Variants in ORC1 observed in about 807,000 individuals in gnomAD.
The protein encoded by ORC1 is origin recognition complex subunit 1.
In ORC1, 61 loss-of-function variants were observed where a neutral mutation model predicts 98.9. That is an observed-to-expected ratio of 0.62 (90% CI 0.50 to 0.76). The LOEUF (loss-of-function observed/expected upper bound fraction) is 0.76, where lower values mean the gene tolerates loss of function less well. ORC1 is among the 30% of genes least tolerant of loss of function. The pLI, the probability that ORC1 is intolerant of heterozygous loss-of-function variation, is 0.00. For missense variants in ORC1, 979 were observed against 1,072.2 expected (o/e 0.91, Z 1.21); for synonymous variants, 385 against 406.9 (o/e 0.95, Z 0.65).
At chr1:52,399,957 C>T (rs2147945860) in intron 3 of ORC1, among the ~76,000 whole-genome samples, 1 of 152,306 alleles carries the variant, frequency 6.6e-6, no homozygotes, top group Non-Finnish European at 1.5e-5. Context: ...ACCGAAAGAA[C>T]ACTCATTAGT....
chr1:52,395,483 A>G (rs1238475217), intron 5 of ORC1, among the ~76,000 whole-genome samples: 1 of 152,184 alleles, frequency 6.6e-6, no homozygotes, highest in Non-Finnish European at 1.5e-5. Flanking sequence ...TATTTAAAAA[A>G]TTAAATAAAA....
In ORC1 at chr1:52,393,684, C is replaced by A; in HGVS notation, c.841G>T (p.Asp281Tyr). The stretch of plus-strand genomic sequence containing the variant: ...GCTGGAGACAAGGTTTGAAGTTTAT[C>A]AGGCTGAGATCTCTTAGAAGGTGAG... ...ITSPSKRSQP[D>Y]KLQTLSPALK... Residue 281 changes from aspartate to tyrosine, a missense_variant, in exon 6 of 17, where the codon GAT becomes TAT. Asp to Tyr is a radical substitution (Grantham distance 160, BLOSUM62 -3). Transcript: ENST00000371568. The A allele has an allele frequency of 1.2e-6, 2 of 1,614,026 alleles. No individual in the cohort carries two copies. The highest frequency in any genetic ancestry group is 1.3e-5 in the African/African-American group (1 of 74,986).
At chr1:52,408,767 G>C, upstream of ORC1, 2 of 1,509,564 alleles carry the variant, frequency 1.3e-6, no homozygotes, top group Non-Finnish European at 1.8e-6. Flanking sequence ...CCTTTGCATT[G>C]TCATAGACAG....
chr1:52,394,656 T>C (rs1236275664), intron 5 of ORC1, among the ~76,000 whole-genome samples: 1 of 152,180 alleles, frequency 6.6e-6, no homozygotes, highest in Non-Finnish European at 1.5e-5. Context: ...TTTCTTTCTT[T>C]CTTTTTTTCT....
chr1:52,374,609 T>C (rs1160324957), intron 16 of ORC1, among the ~76,000 whole-genome samples: 1 of 152,226 alleles, frequency 6.6e-6, no homozygotes, highest in Non-Finnish European at 1.5e-5. Context: ...AGGCCTTCAA[T>C]CTAACATGCA....
chr1:52,403,120 A>G (rs752614166), intron 1 of ORC1, among the ~76,000 whole-genome samples: 1 of 152,242 alleles, frequency 6.6e-6, no homozygotes, highest in Non-Finnish European at 1.5e-5. Flanking sequence ...CAGGCTTCCC[A>G]GCCACTGACT....
upstream of ORC1, among the ~76,000 whole-genome samples, chr1:52,407,299 A>G (rs1213991818): frequency 1.3e-5 from 2 of 152,212 alleles, no homozygotes; most frequent in African/African-American, 4.8e-5. Flanking sequence ...TAGAGGCGTG[A>G]GCCACCGCCC....
chr1:52,406,973 A>G (rs998170071), upstream of ORC1, among the ~76,000 whole-genome samples: 11 of 152,310 alleles, frequency 7.2e-5, 1 homozygote, highest in Middle Eastern at 0.014. Flanking sequence ...CTAGTTACCC[A>G]AGAGGAAATT....
chr1:52,386,749 C>T (rs1647148075), intron 8 of ORC1, among the ~76,000 whole-genome samples: 1 of 152,160 alleles, frequency 6.6e-6, no homozygotes, highest in Admixed American at 6.5e-5. Context: ...ACTGCTTAAA[C>T]TCAGGAGTTT....
rs753457975 is a variant in ORC1 at position 52,385,240 on chromosome 1, C to G, written c.1504G>C (p.Glu502Gln). Residue 502 changes from glutamate to glutamine, a missense_variant, in exon 10 of 17, where the codon GAG becomes CAG. Coordinates refer to ENST00000371568, the MANE Select transcript of ORC1 (RefSeq NM_004153.4). ...RLRLHVSAVP[E>Q]SLPCREQEFQ... Reference sequence around the variant, plus strand: ...TCCTGTTCCCGACAGGGAAGAGACTCAGGTACAGCAGAAACATGCAGCCTA... The same window carrying G: ...TCCTGTTCCCGACAGGGAAGAGACTGAGGTACAGCAGAAACATGCAGCCTA... 56 of 1,613,480 alleles carry G rather than the reference C, an allele frequency of 3.5e-5. No homozygotes were observed. The highest frequency in any genetic ancestry group is 4.5e-5 in the Non-Finnish European group (53 of 1,179,490).
chr1:52,378,984 G>A (rs1206246259), intron 14 of ORC1, among the ~76,000 whole-genome samples: 2 of 151,794 alleles, frequency 1.3e-5, no homozygotes, highest in Non-Finnish European at 2.9e-5. Flanking sequence ...AGTGAGCCGA[G>A]ATTGTGCCAC....
chr1:52,408,464 C>A, upstream of ORC1: 1 of 1,497,776 alleles, frequency 6.7e-7, no homozygotes, highest in Non-Finnish European at 9.3e-7. Flanking sequence ...TTCTTACCTG[C>A]CAAAGAGAAG....
chr1:52,408,542 G>A, upstream of ORC1: 3 of 1,613,854 alleles, frequency 1.9e-6, no homozygotes, highest in Non-Finnish European at 2.5e-6. Flanking sequence ...AGGATGGCCT[G>A]TTGTTTCACT....
At chr1:52,376,501 A>T (rs1380916613) in intron 14 of ORC1, among the ~76,000 whole-genome samples, 1 of 147,350 alleles carries the variant, frequency 6.8e-6, no homozygotes, top group Admixed American at 6.8e-5. Context: ...GAGTCCATCT[A>T]AAAAAAAAAA....
chr1:52,385,097 C>T, intron 10 of ORC1, 64 bp downstream of exon 10: 1 of 1,011,624 alleles, frequency 9.9e-7, no homozygotes, highest in Non-Finnish European at 1.6e-6. Flanking sequence ...ACTGTAACAC[C>T]CAAGGCATTC....
At chr1:52,374,300 T>G (rs1371152732) in intron 16 of ORC1, among the ~76,000 whole-genome samples, 7 of 152,348 alleles carry the variant, frequency 4.6e-5, no homozygotes, top group Admixed American at 3.3e-4. Context: ...TAAATAAAGA[T>G]GTCTAAAACA....
chr1:52,399,950 G>A (rs953219604), intron 3 of ORC1, among the ~76,000 whole-genome samples: 3 of 152,076 alleles, frequency 2.0e-5, no homozygotes, highest in South Asian at 2.1e-4. Context: ...AGCTCCAACC[G>A]AAAGAACACT....
intron 6 of ORC1, among the ~76,000 whole-genome samples, chr1:52,390,356 A>C (rs1647192383): frequency 6.6e-6 from 1 of 152,262 alleles, no homozygotes; most frequent in Non-Finnish European, 1.5e-5. Context: ...AGGCACGTAG[A>C]CCAATGGAAC....
At chr1:52,373,838 G>C (rs1326763169) in intron 16 of ORC1, among the ~76,000 whole-genome samples, 1 of 152,136 alleles carries the variant, frequency 6.6e-6, no homozygotes, top group African/African-American at 2.4e-5. Context: ...AAATGCCAAG[G>C]CATGACCCTT....
Sources: gnomAD v4.1 joint callset for allele counts (sites outside exome capture counted in the v4.1 genomes callset) on GRCh38, gnomAD v4.1.1 for gene constraint, MANE v1.5 for transcripts, NCBI Gene and HGNC (gene_info 2026-07-23, HGNC 2026-07-21) for gene names.